PRKCA: variants seen among roughly 807,000 people sequenced by gnomAD.
PRKCA encodes protein kinase C alpha type.
A neutral mutation model predicts 87.0 loss-of-function variants in PRKCA; 27 were observed. The observed-to-expected ratio is 0.31, with a 90% CI of 0.23 to 0.43. The LOEUF is 0.43. PRKCA is among the 20% of genes least tolerant of loss of function. The pLI is 1.00. For missense variants in PRKCA, 518 were observed against 852.3 expected (o/e 0.61, Z 4.88); for synonymous variants, 329 against 311.1 (o/e 1.06, Z -0.61).
chr17:66,518,248 T>C (rs1877846), intron 3 of PRKCA, among the ~76,000 whole-genome samples: 76,083 of 151,998 alleles, frequency 0.5, 19,351 homozygotes, highest in East Asian at 0.75. Context: ...TAAGCAGAGG[T>C]TGATGATGAG....
intron 11 of PRKCA, among the ~76,000 whole-genome samples, chr17:66,740,123 C>T (rs191020767): frequency 3.5e-5 from 5 of 144,684 alleles, no homozygotes; most frequent in Admixed American, 7.1e-5. Context: ...AGGCTTGGGT[C>T]GGGGCAGCCA....
intron 16 of PRKCA, chr17:66,796,428 T>G (rs1454288088): frequency 5.9e-5 from 58 of 984,970 alleles, no homozygotes; most frequent in Non-Finnish European, 7.0e-5. Flanking sequence ...TCCTCTCCTT[T>G]GTCCGTTCTT....
chr17:66,315,489 T>G (rs1905269444), intron 2 of PRKCA, among the ~76,000 whole-genome samples: 1 of 151,856 alleles, frequency 6.6e-6, no homozygotes, highest in Non-Finnish European at 1.5e-5. Flanking sequence ...TCTTTTTTTT[T>G]TTTTTTCTGA....
intron 3 of PRKCA, among the ~76,000 whole-genome samples, chr17:66,518,440 T>A (rs551022450): frequency 6.6e-6 from 1 of 152,362 alleles, no homozygotes; most frequent in Non-Finnish European, 1.5e-5. Context: ...GGAAAAAATA[T>A]GATTTTTTGG....
intron 3 of PRKCA, among the ~76,000 whole-genome samples, chr17:66,570,342 T>C (rs1969040404): frequency 1.3e-5 from 2 of 152,234 alleles, no homozygotes; most frequent in Non-Finnish European, 2.9e-5. Context: ...GGCTGCATAT[T>C]ATGACTTGTG....
At position 66,527,626 on chromosome 17, in the gene PRKCA, C is replaced by G. The variant is rs147664829; in HGVS notation, c.288+31343C>G. ...CTGCTCAAACCTCCTCCCGTCAGCT[C>G]TGGTATTGTGATGGAAGTAATTGAC... is the stretch of plus-strand genomic sequence containing the variant. On this transcript the variant is annotated intron_variant, in intron 3 of 16. Coordinates refer to ENST00000413366, the MANE Select transcript of PRKCA (RefSeq NM_002737.3). Among the ~76,000 whole-genome samples, 864 of 152,336 alleles carry G rather than the reference C, an allele frequency of 5.7e-3. 6 individuals carry two copies. The highest frequency in any genetic ancestry group is 0.02 in the African/African-American group (814 of 41,574).
chr17:66,690,436 G>A (rs1029694697), intron 8 of PRKCA, among the ~76,000 whole-genome samples: 3 of 152,160 alleles, frequency 2.0e-5, no homozygotes, highest in African/African-American at 7.2e-5. Context: ...GCGAGTCCAG[G>A]CCCTCTATTG....
At chr17:66,357,785 A>G (rs1421187244) in intron 2 of PRKCA, among the ~76,000 whole-genome samples, 1 of 152,182 alleles carries the variant, frequency 6.6e-6, no homozygotes, top group Non-Finnish European at 1.5e-5. Flanking sequence ...GATTTAAGTT[A>G]TGTTATTAGA....
At chr17:66,635,011 G>T (rs1971114003) in intron 3 of PRKCA, among the ~76,000 whole-genome samples, 1 of 152,226 alleles carries the variant, frequency 6.6e-6, no homozygotes. Flanking sequence ...ATGAAGGAGA[G>T]AAATTGTAAC....
rs35431248 is a variant in PRKCA at position 66,374,719 on chromosome 17, C to CTTTTTTT, written c.205+68606_205+68612dup. ...TAAGTGCAGGGTGCTGAGTTGCATT[C>CTTTTTTT]TTTTTTTTTTTTTTTTTTTTCTTTC... On this transcript the variant is annotated intron_variant, in intron 2 of 16. Coordinates refer to ENST00000413366, the MANE Select transcript of PRKCA (RefSeq NM_002737.3). Among the ~76,000 whole-genome samples, 51 of 115,810 alleles carry CTTTTTTT rather than the reference C, an allele frequency of 4.4e-4. 1 individual carries two copies. The highest frequency in any genetic ancestry group is 1.2e-3 in the African/African-American group (36 of 30,364). 76.0% of individuals were successfully genotyped at this position (115,810 alleles called of 152,430 possible).
chr17:66,574,153 A>G (rs955075669), intron 3 of PRKCA, among the ~76,000 whole-genome samples: 3 of 152,320 alleles, frequency 2.0e-5, no homozygotes, highest in South Asian at 2.1e-4. Context: ...ATTTGGTGAT[A>G]TGTATCAATA....
chr17:66,421,512 T>TTCTTC (rs10608909), intron 2 of PRKCA, among the ~76,000 whole-genome samples: 1 of 145,062 alleles, frequency 6.9e-6, no homozygotes, highest in Admixed American at 6.9e-5. Context: ...TCTTTCTTCT[T>TTCTTC]TCTTCTCTTC....
chr17:66,700,094 T>A (rs8079929), intron 8 of PRKCA, among the ~76,000 whole-genome samples: 126,824 of 152,230 alleles, frequency 0.83, 53,050 homozygotes, highest in Non-Finnish European at 0.86. Context: ...CCATCACATT[T>A]AAAGGATGAT....
chr17:66,744,749 G>A (rs190280419), intron 13 of PRKCA, among the ~76,000 whole-genome samples: 196 of 152,262 alleles, frequency 1.3e-3, no homozygotes, highest in Non-Finnish European at 2.4e-3. Context: ...ATGTGGTTCC[G>A]GAGATCAGAA....
At chr17:66,713,207 A>G (rs1474979873) in intron 8 of PRKCA, among the ~76,000 whole-genome samples, 1 of 151,880 alleles carries the variant, frequency 6.6e-6, no homozygotes, top group Non-Finnish European at 1.5e-5. Context: ...ACGCGCCACC[A>G]TGCCCGGCCA....
chr17:66,442,186 C>G (rs1053156953), intron 2 of PRKCA, among the ~76,000 whole-genome samples: 14 of 151,804 alleles, frequency 9.2e-5, no homozygotes, highest in African/African-American at 3.4e-4. Flanking sequence ...CTCAGCCTCC[C>G]AAGTAGCTGG....
rs530139424 is a variant in PRKCA, at chr17:66,572,795, G to T, written c.289-68560G>T. 6.7e-4 allele frequency among the ~76,000 whole-genome samples: 102 copies of T among 152,176 alleles called. 1 individual carries two copies. Among genetic ancestry groups the T allele is most frequent in the African/African-American group, 2.3e-3 (96 of 41,510 alleles). On this transcript the variant is annotated intron_variant, in intron 3 of 16. Coordinates refer to ENST00000413366, the MANE Select transcript of PRKCA (RefSeq NM_002737.3). ...ATGAGCCACCCCACCTGGCCCTGAG[G>T]CTTTTCTGACTAAAATATTTTAAAA... is the stretch of plus-strand genomic sequence containing the variant.
At chr17:66,590,602 A>G (rs1372187775) in intron 3 of PRKCA, among the ~76,000 whole-genome samples, 1 of 152,166 alleles carries the variant, frequency 6.6e-6, no homozygotes, top group Non-Finnish European at 1.5e-5. Flanking sequence ...TAATCCCAGC[A>G]CTTTGGGAGG....
intron 3 of PRKCA, among the ~76,000 whole-genome samples, chr17:66,563,775 G>A (rs779368755): frequency 1.3e-5 from 2 of 152,198 alleles, no homozygotes; most frequent in East Asian, 1.9e-4. Flanking sequence ...GTTGAAATGC[G>A]GCTGGTCCAA....
Sources: allele counts gnomAD v4.1 joint callset (sites outside exome capture counted in the v4.1 genomes callset), GRCh38; gene constraint gnomAD v4.1.1; transcripts MANE v1.5; gene names NCBI Gene and HGNC (gene_info 2026-07-23, HGNC 2026-07-21).